Variants in SESN1 observed in about 807,000 individuals in gnomAD.
SESN1 encodes the protein sestrin 1, also known as sestrin-1.
SESN1 carries 30 observed loss-of-function variants against 59.3 expected under a neutral mutation model. The observed-to-expected ratio is 0.51, with a 90% confidence interval of 0.38 to 0.69. The LOEUF is 0.69. Among genes scored for constraint, SESN1 ranks in the 30% least tolerant of loss-of-function variants. The probability of loss-of-function intolerance (pLI) is 0.00; values close to 1 mark genes in which losing one functional copy is unlikely to be tolerated. For missense variants in SESN1, 566 were observed against 673.0 expected (o/e 0.84, Z 1.76); for synonymous variants, 197 against 219.9 (o/e 0.90, Z 0.92).
At chr6:109,002,231 T>C (rs935237348) in intron 2 of SESN1, 47 bp downstream of exon 2, 1 of 1,541,754 alleles carries the variant, frequency 6.5e-7, no homozygotes, top group African/African-American at 1.4e-5. Context: ...ATGAAAGCTC[T>C]TCCTTAAAAG....
In SESN1 at chr6:108,987,563, A is replaced by G. The variant is rs762070609; in HGVS notation, c.1637T>C (p.Ile546Thr). Reference protein sequence around the residue: ...QAELLYALRAITRYMT With the variant: ...QAELLYALRATTRYMT ...AAGGCATCAGGTCATATAGCGGGTA[A>G]TGGCTCTCAGAGCATAAAGGAGTTC... The change falls in exon 10 of 10, where the codon ATT (isoleucine) becomes ACT (threonine). Residue 546 changes from isoleucine (I) to threonine (T), a missense_variant. By Grantham distance (89) the Ile-to-Thr change is moderately conservative. Transcript: ENST00000436639. The G allele has an allele frequency of 1.3e-5, 20 of 1,598,334 alleles. No homozygotes were observed. Among genetic ancestry groups the G allele is most frequent in the Non-Finnish European group, 9.4e-6 (11 of 1,166,384 alleles).
chr6:108,997,113 A>T (rs566306137), intron 5 of SESN1, among the ~76,000 whole-genome samples: 1 of 150,768 alleles, frequency 6.6e-6, no homozygotes, highest in African/African-American at 2.4e-5. Context: ...CTAAAGAACA[A>T]GCCATATCAG....
At chr6:108,998,394 G>A (rs1469846324) in intron 5 of SESN1, 119 bp downstream of exon 5, 3 of 1,161,654 alleles carry the variant, frequency 2.6e-6, no homozygotes, top group Admixed American at 2.1e-5. Context: ...TAGATATAGG[G>A]GCCCAATATC....
At position 108,998,751 on chromosome 6, in the gene SESN1, AGTCCCTTAGGGG is replaced by A; in HGVS notation, c.730-8_733del. ...CCAGCTGTGCTCTTCAGCTTTTAAA[AGTCCCTTAGGGG>A]GAAAAAAAAAAAGAATATATTTTTG... On this transcript the variant is annotated splice_acceptor_variant and splice_polypyrimidine_tract_variant and coding_sequence_variant and intron_variant, in exon 5 of 10. Coordinates refer to ENST00000436639, the MANE Select transcript of SESN1 (RefSeq NM_014454.3). LOFTEE classifies it high-confidence loss of function. 1 of 1,609,886 alleles carries A rather than the reference AGTCCCTTAGGGG, an allele frequency of 6.2e-7. No individual in the cohort carries two copies. Among genetic ancestry groups the A allele is most frequent in the Admixed American group, 1.7e-5 (1 of 59,912 alleles).
At chr6:109,093,277 A>C (rs1260893216) in intron 1 of SESN1, among the ~76,000 whole-genome samples, 1 of 152,166 alleles carries the variant, frequency 6.6e-6, no homozygotes, top group Admixed American at 6.5e-5. Context: ...CAACATGAAG[A>C]TATTAGCTTC....
chr6:108,996,427 C>T (rs1232700443), intron 5 of SESN1, among the ~76,000 whole-genome samples: 1 of 152,138 alleles, frequency 6.6e-6, no homozygotes, highest in Non-Finnish European at 1.5e-5. Flanking sequence ...GATTAGGTTT[C>T]ATGACAGGAT....
intron 1 of SESN1, among the ~76,000 whole-genome samples, chr6:109,017,022 A>G (rs1583273784): frequency 6.6e-6 from 1 of 151,988 alleles, no homozygotes; most frequent in African/African-American, 2.4e-5. Context: ...CTATTATTTT[A>G]TATATTTTAT....
At chr6:109,079,165 C>T in intron 1 of SESN1, among the ~76,000 whole-genome samples, 1 of 140,852 alleles carries the variant, frequency 7.1e-6, no homozygotes, top group East Asian at 2.1e-4. Context: ...CAAATTTTTG[C>T]TTATAAAGTT....
In SESN1 at chr6:109,001,297, A is replaced by C. The variant is rs764931458; in HGVS notation, c.537T>G (p.Ile179Met). ...GPLPLHYRHY[I>M]GIMAAARHQC... ...CTGAATGTTTACAAACCATTATTCCAATGTAGTGACGATAATGTAGGGGTA... is the reference window on the plus strand; with the variant it reads ...CTGAATGTTTACAAACCATTATTCCCATGTAGTGACGATAATGTAGGGGTA... The change falls in exon 3 of 10, where the codon ATT becomes ATG. Residue 179 changes from isoleucine (I) to methionine (M), a missense_variant. Transcript: ENST00000436639. 1.2e-6 allele frequency: 2 copies of C among 1,613,416 alleles called. No homozygotes were observed. Among genetic ancestry groups the C allele is most frequent in the East Asian group, 4.5e-5 (2 of 44,872 alleles).
chr6:108,990,469 G>GA (rs1167326342), intron 8 of SESN1, among the ~76,000 whole-genome samples, 176 bp downstream of exon 8: 11 of 152,186 alleles, frequency 7.2e-5, no homozygotes, highest in Non-Finnish European at 1.5e-4. Flanking sequence ...GGAAAGAGAA[G>GA]AAAAAACTAA....
intron 5 of SESN1, among the ~76,000 whole-genome samples, chr6:108,995,129 A>G (rs530784154): frequency 6.6e-6 from 1 of 152,354 alleles, no homozygotes; most frequent in South Asian, 2.1e-4. Flanking sequence ...AAGGAAAAAA[A>G]TGATTTTAAG....
intron 1 of SESN1, among the ~76,000 whole-genome samples, chr6:109,040,055 C>T (rs1356965028): frequency 6.6e-6 from 1 of 152,130 alleles, no homozygotes; most frequent in Non-Finnish European, 1.5e-5. Flanking sequence ...AAACAATTAC[C>T]TGGAAAGAGA....
chr6:109,041,431 C>T (rs1392063110), intron 1 of SESN1, among the ~76,000 whole-genome samples: 3 of 152,046 alleles, frequency 2.0e-5, no homozygotes, highest in Non-Finnish European at 2.9e-5. Context: ...CAAGTACTTA[C>T]GCCACTAACA....
At chr6:109,034,201 C>T (rs747657983) in intron 1 of SESN1, among the ~76,000 whole-genome samples, 14 of 152,104 alleles carry the variant, frequency 9.2e-5, no homozygotes, top group Non-Finnish European at 1.3e-4. Context: ...TTTTAAACAC[C>T]CATGACTTTA....
intron 1 of SESN1, among the ~76,000 whole-genome samples, chr6:109,053,727 G>T (rs893386695): frequency 6.6e-6 from 1 of 152,118 alleles, no homozygotes; most frequent in African/African-American, 2.4e-5. Context: ...AACACTTAAG[G>T]GAAAGAAAAT....
At position 109,094,332 on chromosome 6, in the gene SESN1, C is replaced by T; in HGVS notation, c.-259G>A. 2.1e-6 allele frequency: 1 copy of T among 483,820 alleles called. No homozygotes were observed. Among genetic ancestry groups the T allele is most frequent in the Non-Finnish European group, 3.7e-6 (1 of 271,494 alleles). The allele number at this position is 483,820 out of a possible 1,614,324, so 30.0% of individuals were successfully genotyped here. A position where few individuals can be genotyped will look rare whatever the true frequency, so the allele number is the denominator to read the frequency against. ...AAGTTTGAAAGTTGCAACCTTGCAGCGCTGGCTTTGGTGGGCAGAGAATTT... is the reference window on the plus strand; with the variant it reads ...AAGTTTGAAAGTTGCAACCTTGCAGTGCTGGCTTTGGTGGGCAGAGAATTT... On this transcript the variant is annotated 5_prime_UTR_variant, in exon 1 of 10. Coordinates refer to ENST00000436639, the MANE Select transcript of SESN1 (RefSeq NM_014454.3).
In SESN1 at chr6:109,062,130, T is replaced by C. The variant is rs1156956588; in HGVS notation, c.279+31665A>G. 2.0e-5 allele frequency among the ~76,000 whole-genome samples: 3 copies of C among 152,268 alleles called. No homozygotes were observed. In the East Asian group the frequency reaches 5.8e-4, roughly 29 times the overall value. ...GCCTTGAACTCCTAGTCTCAAGCCA[T>C]CCTCCTGCCTCAGCCTCCCAGGTAG... On this transcript the variant is annotated intron_variant, in intron 1 of 9. Transcript: ENST00000436639.
chr6:109,001,271 A>G lies in SESN1; in HGVS notation c.546+17T>C. Reference sequence around the variant, plus strand: ...TAAAAATAGGCAAAAACAATTTTTCACTGAATGTTTACAAACCATTATTCC... The same window carrying G: ...TAAAAATAGGCAAAAACAATTTTTCGCTGAATGTTTACAAACCATTATTCC... On this transcript the variant is annotated intron_variant, in intron 3 of 9. Transcript: ENST00000436639. 1 of 1,605,836 alleles carries G rather than the reference A, an allele frequency of 6.2e-7. No individual in the cohort carries two copies. The highest frequency in any genetic ancestry group is 8.5e-7 in the Non-Finnish European group (1 of 1,175,148).
intron 1 of SESN1, among the ~76,000 whole-genome samples, chr6:109,041,149 A>T (rs115949005): frequency 6.6e-6 from 1 of 150,786 alleles, no homozygotes; most frequent in Non-Finnish European, 1.5e-5. Context: ...AAAAAAAAAA[A>T]AAACAAACCA....
Sources: gnomAD v4.1 joint callset for allele counts (sites outside exome capture counted in the v4.1 genomes callset) on GRCh38, gnomAD v4.1.1 for gene constraint, MANE v1.5 for transcripts, NCBI Gene and HGNC (gene_info 2026-07-23, HGNC 2026-07-21) for gene names.